Variants in PDE8A observed in about 807,000 individuals in gnomAD.
PDE8A encodes the protein phosphodiesterase 8A.
In PDE8A, 59 loss-of-function variants were observed where a neutral mutation model predicts 105.0. The ratio of observed to expected loss-of-function variants is 0.56; its 90% CI spans 0.46 to 0.70. The LOEUF (loss-of-function observed/expected upper bound fraction) is 0.70, where lower values mean the gene tolerates loss of function less well. Among genes scored for constraint, PDE8A ranks in the 30% least tolerant of loss-of-function variants. The pLI is 0.00. For missense variants in PDE8A, 1,014 were observed against 1,045.9 expected, an observed-to-expected ratio of 0.97 and a Z score of 0.42; for synonymous variants, 355 against 371.9, an observed-to-expected ratio of 0.95 and a Z score of 0.52.
chr15:85,121,936 C>T (rs1377333361), intron 18 of PDE8A, among the ~76,000 whole-genome samples: 2 of 152,190 alleles, frequency 1.3e-5, no homozygotes, highest in South Asian at 2.1e-4. Flanking sequence ...AAGATTCAGC[C>T]GCTTTGTGTC....
intron 1 of PDE8A, among the ~76,000 whole-genome samples, chr15:85,057,156 G>C (rs1185769390): frequency 8.5e-5 from 13 of 152,114 alleles, no homozygotes; most frequent in Admixed American, 8.5e-4. Context: ...GTTGCTGCCT[G>C]ATCATCCCCT....
rs2081837845 is a variant in PDE8A at position 85,100,197 on chromosome 15, A to C, written c.1035A>C (p.Thr345=). Residue 345 remains threonine, a splice_region_variant and synonymous_variant, in exon 11 of 22, where the codon ACA becomes ACC. Transcript: ENST00000394553. ...ISECVQSDTH[T]DNQTGKHKDR... is the part of the protein sequence containing the mutation. ...AATGTGTTCAGTCTGACACTCATAC[A>C]GGTACGGTGCCCCGTATTTATTCTT... 1 of 1,611,886 alleles carries C rather than the reference A, an allele frequency of 6.2e-7. No homozygotes were observed.
chr15:85,065,219 A>T (rs1388783748), intron 2 of PDE8A, among the ~76,000 whole-genome samples: 1 of 151,874 alleles, frequency 6.6e-6, no homozygotes, highest in African/African-American at 2.4e-5. Context: ...TCTGTCAGAG[A>T]GAAGATATCT....
chr15:85,010,217 C>A (rs1203978190), intron 1 of PDE8A, among the ~76,000 whole-genome samples: 4 of 152,104 alleles, frequency 2.6e-5, no homozygotes, highest in Admixed American at 2.6e-4. Context: ...TGATAATTAA[C>A]CAAGCTGCAC....
At chr15:85,068,668 G>T (rs767644819) in intron 3 of PDE8A, among the ~76,000 whole-genome samples, 1 of 152,150 alleles carries the variant, frequency 6.6e-6, no homozygotes, top group African/African-American at 2.4e-5. Flanking sequence ...CAGTAGAGGT[G>T]TCTAAGGTGG....
Position 84,982,360 on chromosome 15 carries a change from C to T in PDE8A, c.186+12C>T. The T allele has an allele frequency of 1.5e-6, 2 of 1,311,944 alleles. No homozygotes were observed. Among genetic ancestry groups the T allele is most frequent in the Non-Finnish European group, 1.9e-6 (2 of 1,032,564 alleles). 81.3% of individuals were successfully genotyped at this position (1,311,944 alleles called of 1,614,324 possible). On this transcript the variant is annotated intron_variant, in intron 1 of 21. Transcript: ENST00000394553. ...GCAGCGGCAAGAAGGTAAGGGGCGCCGGGCACTCTGGGGCCGCCGCGAAAC... is the reference window on the plus strand; with the variant it reads ...GCAGCGGCAAGAAGGTAAGGGGCGCTGGGCACTCTGGGGCCGCCGCGAAAC...
intron 20 of PDE8A, 65 bp from the exon 21 acceptor site, chr15:85,136,469 G>T: frequency 6.5e-7 from 1 of 1,541,958 alleles, no homozygotes; most frequent in Non-Finnish European, 8.8e-7. Context: ...CCTGGGGGAG[G>T]GGCTGCCCCT....
At chr15:85,095,121 G>A (rs1012123932) in intron 8 of PDE8A, among the ~76,000 whole-genome samples, 5 of 152,112 alleles carry the variant, frequency 3.3e-5, no homozygotes, top group African/African-American at 1.2e-4. Flanking sequence ...TTGGTGCATA[G>A]CTTGTAGCAG....
chr15:84,990,105 T>C (rs1325974042), intron 1 of PDE8A, among the ~76,000 whole-genome samples: 1 of 152,194 alleles, frequency 6.6e-6, no homozygotes, highest in Non-Finnish European at 1.5e-5. Context: ...TAGTCCCATC[T>C]ACTCAGGAGC....
rs748886084 is a variant in PDE8A at position 85,100,050 on chromosome 15, G to C, written c.977G>C (p.Cys326Ser). 7.4e-6 allele frequency: 12 copies of C among 1,613,612 alleles called. No homozygotes were observed. The highest frequency in any genetic ancestry group is 1.0e-5 in the Non-Finnish European group (12 of 1,179,788). ...IRHYVSIIRVCNGNNKAEKIS... is the reference protein window; with the variant it reads ...IRHYVSIIRVSNGNNKAEKIS... ...CACTATGTGTCCATTATCAGAGTGT[G>C]CAATGGCAACAATAAGGTACGTAAG... is the stretch of plus-strand genomic sequence containing the variant. The change falls in exon 10 of 22, where the codon TGC becomes TCC. Residue 326 changes from cysteine to serine, a missense_variant. Transcript: ENST00000394553.
chr15:85,049,505 C>T (rs1239933648), intron 1 of PDE8A, among the ~76,000 whole-genome samples: 2 of 152,180 alleles, frequency 1.3e-5, no homozygotes, highest in African/African-American at 4.8e-5. Context: ...TTCATCTGTT[C>T]CATAGCATAT....
chr15:85,061,604 G>T (rs952460572), intron 1 of PDE8A, among the ~76,000 whole-genome samples: 3 of 152,074 alleles, frequency 2.0e-5, no homozygotes, highest in Non-Finnish European at 2.9e-5. Context: ...CTTGATATGG[G>T]TCTCTTTGAG....
At chr15:85,015,488 T>G (rs967383621) in intron 1 of PDE8A, among the ~76,000 whole-genome samples, 1 of 152,188 alleles carries the variant, frequency 6.6e-6, no homozygotes, top group African/African-American at 2.4e-5. Flanking sequence ...GAGTCATCTT[T>G]TTTGTTTTTT....
intron 2 of PDE8A, among the ~76,000 whole-genome samples, chr15:85,066,607 C>CACACACAT (rs1555472855): frequency 1.2e-4 from 9 of 72,220 alleles, no homozygotes; most frequent in African/African-American, 8.1e-4. Context: ...CACACACACA[C>CACACACAT]ACACACACAC....
intron 1 of PDE8A, among the ~76,000 whole-genome samples, chr15:85,058,029 TTTG>T (rs1162652692): frequency 6.6e-6 from 1 of 152,174 alleles, no homozygotes; most frequent in African/African-American, 2.4e-5. Context: ...TTGTCGTTGT[TTTG>T]TTTTTGAGAT....
At chr15:85,090,969 C>A (rs1053058097) in intron 7 of PDE8A, 75 bp from the exon 8 acceptor site, 1 of 1,365,938 alleles carries the variant, frequency 7.3e-7, no homozygotes, top group Non-Finnish European at 1.0e-6. Flanking sequence ...GGGCTTAGGT[C>A]GAAGACCTTT....
At chr15:85,071,821 A>G (rs2081315716) in intron 3 of PDE8A, among the ~76,000 whole-genome samples, 1 of 152,220 alleles carries the variant, frequency 6.6e-6, no homozygotes, top group African/African-American at 2.4e-5. Context: ...GGGGCCTGTG[A>G]AAAGTGCCAC....
intron 1 of PDE8A, among the ~76,000 whole-genome samples, chr15:84,989,752 T>C (rs2079857224): frequency 6.6e-6 from 1 of 152,282 alleles, no homozygotes; most frequent in African/African-American, 2.4e-5. Context: ...CATTTTCTTA[T>C]GAGAACCTTT....
intron 1 of PDE8A, among the ~76,000 whole-genome samples, chr15:85,052,043 A>C (rs1394770012): frequency 6.6e-6 from 1 of 151,008 alleles, no homozygotes; most frequent in Admixed American, 6.6e-5. Flanking sequence ...TCATTGTTCA[A>C]TTCCCACCTA....
Sources: gnomAD v4.1 joint callset for allele counts (sites outside exome capture counted in the v4.1 genomes callset) on GRCh38, gnomAD v4.1.1 for gene constraint, MANE v1.5 for transcripts, NCBI Gene and HGNC (gene_info 2026-07-23, HGNC 2026-07-21) for gene names.